The following ARFIP1 variants were observed in gnomAD, a reference collection of about 807,000 sequenced individuals.
The protein encoded by ARFIP1 is arfaptin-1.
A neutral mutation model predicts 42.5 loss-of-function variants in ARFIP1; 24 were observed. The ratio of observed to expected loss-of-function variants is 0.57; its 90% CI spans 0.41 to 0.80. The LOEUF is 0.80. ARFIP1 is among the 30% of genes least tolerant of loss of function. The probability of loss-of-function intolerance (pLI) is 0.00; values close to 1 mark genes in which losing one functional copy is unlikely to be tolerated. For missense variants in ARFIP1, 354 were observed against 434.0 expected (o/e 0.82, Z 1.64); for synonymous variants, 141 against 153.7 (o/e 0.92, Z 0.61).
At chr4:152,786,876 ATTCT>A (rs1730841155) in intron 1 of ARFIP1, among the ~76,000 whole-genome samples, 1 of 152,132 alleles carries the variant, frequency 6.6e-6, no homozygotes, top group African/African-American at 2.4e-5. Context: ...TGTCTGGACC[ATTCT>A]TTCTTTACTT....
intron 8 of ARFIP1, among the ~76,000 whole-genome samples, chr4:152,900,738 A>C (rs72968482): frequency 0.014 from 2,151 of 152,308 alleles, 27 homozygotes; most frequent in African/African-American, 0.034. Flanking sequence ...GGGCAGGGAA[A>C]GCATAGAATG....
intron 1 of ARFIP1, among the ~76,000 whole-genome samples, chr4:152,785,767 T>C (rs1730766249): frequency 6.6e-6 from 1 of 152,240 alleles, no homozygotes; most frequent in African/African-American, 2.4e-5. Context: ...GCTGTAAACC[T>C]GCACTGTCTA....
At chr4:152,834,907 A>G (rs920147128) in intron 2 of ARFIP1, among the ~76,000 whole-genome samples, 2 of 152,144 alleles carry the variant, frequency 1.3e-5, no homozygotes, top group African/African-American at 2.4e-5. Context: ...GCCAAGACAT[A>G]TGGCAGCTTA....
At chr4:152,876,666 G>A (rs1447543850) in intron 5 of ARFIP1, among the ~76,000 whole-genome samples, 2 of 152,234 alleles carry the variant, frequency 1.3e-5, no homozygotes, top group East Asian at 1.9e-4. Flanking sequence ...AAGATGATGG[G>A]GAAAATGTCT....
intron 8 of ARFIP1, among the ~76,000 whole-genome samples, chr4:152,908,083 T>G (rs1334275559): frequency 6.6e-6 from 1 of 152,196 alleles, no homozygotes; most frequent in Non-Finnish European, 1.5e-5. Flanking sequence ...AATTTGAGTT[T>G]TCCTATTTCC....
chr4:152,868,772 C>G (rs1203053517), intron 3 of ARFIP1, among the ~76,000 whole-genome samples: 1 of 152,104 alleles, frequency 6.6e-6, no homozygotes. Context: ...GGTAGAGATA[C>G]AGTCTTTGTT....
chr4:152,902,732 T>C (rs554485443), intron 8 of ARFIP1, among the ~76,000 whole-genome samples: 2 of 152,192 alleles, frequency 1.3e-5, no homozygotes, highest in Non-Finnish European at 2.9e-5. Flanking sequence ...CCCTGAAATA[T>C]TTCCTGGAAC....
At chr4:152,882,426 A>G (rs553381548) in intron 6 of ARFIP1, among the ~76,000 whole-genome samples, 1 of 152,324 alleles carries the variant, frequency 6.6e-6, no homozygotes, top group East Asian at 1.9e-4. Context: ...TGCTTATAGT[A>G]TAATAGAAAC....
rs1310196950 is a variant in ARFIP1 at position 152,804,549 on chromosome 4, C to T, written c.-10+24323C>T. ...AGGGCCTGTTCATGTATTTCAGTCACTCTAGGAGAGGCAGTGTAATATAAA... is the reference window on the plus strand; with the variant it reads ...AGGGCCTGTTCATGTATTTCAGTCATTCTAGGAGAGGCAGTGTAATATAAA... On this transcript the variant is annotated intron_variant, in intron 1 of 8. Transcript: ENST00000353617. 3.6e-5 allele frequency among the ~76,000 whole-genome samples: 5 copies of T among 138,406 alleles called. No individual in the cohort carries two copies. In the East Asian group the frequency reaches 1.0e-3, roughly 28 times the overall value. The allele number at this position is 138,406 out of a possible 152,430, so 90.8% of individuals were successfully genotyped here. A position where few individuals can be genotyped will look rare whatever the true frequency, so the allele number is the denominator to read the frequency against.
chr4:152,788,785 C>T (rs186586872), intron 1 of ARFIP1, among the ~76,000 whole-genome samples: 3 of 149,022 alleles, frequency 2.0e-5, no homozygotes, highest in South Asian at 2.1e-4. Flanking sequence ...CAGATTACCT[C>T]ACTTTTCCCC....
intron 1 of ARFIP1, among the ~76,000 whole-genome samples, chr4:152,793,777 G>T (rs546451144): frequency 8.5e-5 from 13 of 152,092 alleles, no homozygotes; most frequent in Non-Finnish European, 1.9e-4. Flanking sequence ...ATAAGGTGGG[G>T]GACCTACTAT....
chr4:152,820,040 G>A (rs1730236871), intron 1 of ARFIP1, among the ~76,000 whole-genome samples: 1 of 152,114 alleles, frequency 6.6e-6, no homozygotes, highest in Non-Finnish European at 1.5e-5. Context: ...GTGCCTGTCT[G>A]TGATCTGAAT....
intron 6 of ARFIP1, among the ~76,000 whole-genome samples, chr4:152,881,733 TG>T (rs1263719918): frequency 1.3e-5 from 2 of 152,116 alleles, no homozygotes; most frequent in African/African-American, 2.4e-5. Flanking sequence ...GAGTACAGAG[TG>T]GAGTTACATG....
intron 2 of ARFIP1, among the ~76,000 whole-genome samples, chr4:152,861,770 A>ATTATC (rs1203138036): frequency 6.6e-6 from 1 of 152,162 alleles, no homozygotes; most frequent in East Asian, 1.9e-4. Context: ...AGTAGTATAT[A>ATTATC]TTATCTTAGC....
intron 1 of ARFIP1, among the ~76,000 whole-genome samples, chr4:152,780,459 C>T (rs1350938065): frequency 6.6e-6 from 1 of 152,166 alleles, no homozygotes; most frequent in African/African-American, 2.4e-5. Context: ...GTAGGACCGG[C>T]CCTTGCAGGG....
At chr4:152,841,709 A>G (rs1054987454) in intron 2 of ARFIP1, among the ~76,000 whole-genome samples, 1 of 152,156 alleles carries the variant, frequency 6.6e-6, no homozygotes, top group African/African-American at 2.4e-5. Context: ...GAGGCGAAAG[A>G]TAGGGCCCCA....
intron 1 of ARFIP1, among the ~76,000 whole-genome samples, chr4:152,797,633 C>T (rs1027625562): frequency 2.0e-5 from 3 of 152,120 alleles, no homozygotes; most frequent in Non-Finnish European, 2.9e-5. Flanking sequence ...TTCAGTGGTG[C>T]TGAAATTTTC....
intron 2 of ARFIP1, among the ~76,000 whole-genome samples, chr4:152,835,816 G>A (rs531621301): frequency 8.5e-5 from 13 of 152,284 alleles, no homozygotes; most frequent in African/African-American, 2.6e-4. Context: ...TAAAGGAAGC[G>A]TGGTACCAAC....
chr4:152,829,737 TTTTC>T lies in ARFIP1; in HGVS notation c.93+17_93+20del. The T allele has an allele frequency of 1.9e-6, 3 of 1,564,642 alleles. No individual in the cohort carries two copies. The highest frequency in any genetic ancestry group is 2.6e-6 in the Non-Finnish European group (3 of 1,150,586). On this transcript the variant is annotated intron_variant, in intron 2 of 8. Transcript: ENST00000353617. Reference sequence around the variant, plus strand: ...CATAGCTTTAATAGGGTAAGAACACTTTTCTTTCTCTTAATGCAAAGAATCATGG... The same window carrying T: ...CATAGCTTTAATAGGGTAAGAACACTTTTCTCTTAATGCAAAGAATCATGG...
Sources: allele counts gnomAD v4.1 joint callset (sites outside exome capture counted in the v4.1 genomes callset), GRCh38; gene constraint gnomAD v4.1.1; transcripts MANE v1.5; gene names NCBI Gene and HGNC (gene_info 2026-07-23, HGNC 2026-07-21).